CDC42EP1: variants seen among roughly 807,000 people sequenced by gnomAD.
CDC42EP1 encodes 55 kDa bone marrow stromal/endothelial cell protein.
Under a neutral mutation model 7.4 loss-of-function variants are expected in CDC42EP1, and 6 were observed. The ratio of observed to expected loss-of-function variants is 0.81; its 90% CI spans 0.44 to 1.60. The LOEUF is 1.60. CDC42EP1 is among the 40% of genes most tolerant of loss of function. The pLI, the probability that CDC42EP1 is intolerant of heterozygous loss-of-function variation, is 0.01. For synonymous variants in CDC42EP1, 238 were observed against 227.1 expected (o/e 1.05, Z -0.43); for missense variants, 567 against 539.0 (o/e 1.05, Z -0.51).
In CDC42EP1 at chr22:37,568,280, G is replaced by T; in HGVS notation, c.636G>T (p.Gly212=). ...LGPSLLSELL[G]VMSLPEAPAA... ...CCTCACTCCTCAGCGAGCTGCTAGG[G>T]GTCATGAGCCTCCCAGAAGCCCCTG... The change falls in exon 3 of 3, where the codon GGG becomes GGT. Residue 212 remains glycine, a synonymous_variant. Coordinates refer to ENST00000249014, the MANE Select transcript of CDC42EP1 (RefSeq NM_152243.3). 6.2e-7 allele frequency: 1 copy of T among 1,613,554 alleles called. No individual in the cohort carries two copies. Among genetic ancestry groups the T allele is most frequent in the Non-Finnish European group, 8.5e-7 (1 of 1,179,990 alleles).
chr22:37,568,340 A>G lies in CDC42EP1; in HGVS notation c.696A>G (p.Pro232=). ...AETPAPAANP[P]APTANPTGPA... is the part of the protein sequence containing the mutation. The stretch of plus-strand genomic sequence containing the variant: ...CTCCAGCCCCCGCTGCAAACCCCCC[A>G]GCCCCTACTGCAAACCCCACGGGTC... Residue 232 remains proline (P), a synonymous_variant, in exon 3 of 3, where the codon CCA becomes CCG. Coordinates refer to ENST00000249014, the MANE Select transcript of CDC42EP1 (RefSeq NM_152243.3). 2 of 1,271,580 alleles carry G rather than the reference A, an allele frequency of 1.6e-6. No homozygotes were observed. The highest frequency in any genetic ancestry group is 1.2e-5 in the South Asian group (1 of 82,174). 78.8% of individuals were successfully genotyped at this position (1,271,580 alleles called of 1,614,324 possible).
intron 1 of CDC42EP1, 101 bp from the exon 2 acceptor site, chr22:37,565,971 T>C (rs1321137453): frequency 5.6e-6 from 1 of 179,650 alleles, no homozygotes; most frequent in African/African-American, 2.4e-5. Context: ...TCCGTGTAGT[T>C]GGGTGTGATC....
intron 1 of CDC42EP1, among the ~76,000 whole-genome samples, chr22:37,565,374 T>G (rs564564652): frequency 1.0e-3 from 158 of 151,818 alleles, no homozygotes; most frequent in Non-Finnish European, 1.6e-3. Flanking sequence ...AATTTTTTTG[T>G]AAAAACCAGG....
rs756660653 is a variant in CDC42EP1 at position 37,568,473 on chromosome 22, G to A, written c.829G>A (p.Ala277Thr). 7 of 1,605,398 alleles carry A rather than the reference G, an allele frequency of 4.4e-6. No homozygotes were observed. In the South Asian group the frequency reaches 7.8e-5, roughly 18 times the overall value. The change falls in exon 3 of 3, where the codon GCC becomes ACC. Residue 277 changes from alanine (A) to threonine (T), a missense_variant. Physicochemically the swap from Ala to Thr is moderately conservative, Grantham distance 58 (BLOSUM62 0). Coordinates refer to ENST00000249014, the MANE Select transcript of CDC42EP1 (RefSeq NM_152243.3). ...TGPAANPPAP[A>T]ASSTPHGHCP... ...TCCTGCTGCAAATCCCCCAGCCCCT[G>A]CCGCAAGCTCCACACCCCATGGACA...
intron 2 of CDC42EP1, 134 bp from the exon 3 acceptor site, chr22:37,567,974 A>G: frequency 2.8e-6 from 2 of 715,450 alleles, no homozygotes; most frequent in Non-Finnish European, 4.9e-6. Flanking sequence ...TATTGGAAAG[A>G]TGGGAGAAAC....
chr22:37,565,890 A>C (rs1166510082), intron 1 of CDC42EP1, among the ~76,000 whole-genome samples, 182 bp from the exon 2 acceptor site: 1 of 151,776 alleles, frequency 6.6e-6, no homozygotes, highest in African/African-American at 2.4e-5. Context: ...GTGTTCTTGA[A>C]CTTTCTATAC....
Position 37,568,617 on chromosome 22 carries a change from TG to T in CDC42EP1, c.976del (p.Asp326MetfsTer102). The T allele has an allele frequency of 6.3e-7, 1 of 1,592,004 alleles. No homozygotes were observed. Among genetic ancestry groups the T allele is most frequent in the South Asian group, 1.1e-5 (1 of 88,384 alleles). On this transcript the variant is annotated frameshift_variant, in exon 3 of 3. Coordinates refer to ENST00000249014, the MANE Select transcript of CDC42EP1 (RefSeq NM_152243.3). LOFTEE classifies it low-confidence loss of function (END_TRUNC). Reference protein sequence around the residue: ...PALGRHWGAGWDGGHHYPEMD... With the variant: ...PALGRHWGAGXDGGHHYPEMD... ...CCTCGGCAGGCACTGGGGAGCAGGC[TG>T]GGATGGCGGCCACCACTACCCAGAG...
Position 37,568,525 on chromosome 22 carries a change from T to C in CDC42EP1, c.881T>C (p.Leu294Ser). The change falls in exon 3 of 3, where the codon TTG (leucine) becomes TCG (serine). Residue 294 changes from leucine to serine, a missense_variant. Transcript: ENST00000249014. ...TGTCCCAATGGGGTAACAGCTGGGT[T>C]GGGCCCAGTGGCTGAGGTGAAGTCC... is the stretch of plus-strand genomic sequence containing the variant. ...GHCPNGVTAGLGPVAEVKSSP... is the reference protein window; with the variant it reads ...GHCPNGVTAGSGPVAEVKSSP... 1 of 1,609,970 alleles carries C rather than the reference T, an allele frequency of 6.2e-7. No individual in the cohort carries two copies. The highest frequency in any genetic ancestry group is 8.5e-7 in the Non-Finnish European group (1 of 1,178,312).
rs1276799549 is a variant in CDC42EP1 at position 37,566,421 on chromosome 22, G to A, written c.72G>A (p.Val24=). ...GCAAGCTCTCGCCTGTGGGCTGGGT[G>A]TCCAGTTCACAGGGAAAGAGGCGGC... is the stretch of plus-strand genomic sequence containing the variant. ...SLGKLSPVGW[V]SSSQGKRRLT... Residue 24 remains valine, a synonymous_variant, in exon 2 of 3, where the codon GTG becomes GTA. Coordinates refer to ENST00000249014, the MANE Select transcript of CDC42EP1 (RefSeq NM_152243.3). The surrounding 1 kb of genome is among the most constrained non-coding windows in gnomAD (Gnocchi z 6.4). 2 of 1,607,132 alleles carry A rather than the reference G, an allele frequency of 1.2e-6. No homozygotes were observed. Among genetic ancestry groups the A allele is most frequent in the South Asian group, 1.1e-5 (1 of 89,896 alleles).
chr22:37,567,586 T>C (rs1925291045), intron 2 of CDC42EP1, among the ~76,000 whole-genome samples: 1 of 152,156 alleles, frequency 6.6e-6, no homozygotes, highest in Non-Finnish European at 1.5e-5. Context: ...AGAAACCCGA[T>C]TCTGTCTCAG....
intron 2 of CDC42EP1, among the ~76,000 whole-genome samples, chr22:37,567,378 T>C (rs1438265290): frequency 6.6e-6 from 1 of 152,042 alleles, no homozygotes; most frequent in Non-Finnish European, 1.5e-5. Context: ...CTCGACAAAT[T>C]TGGGAAACCA....
Position 37,566,327 on chromosome 22 carries a change from G to T in CDC42EP1, c.-23G>T. 1.7e-6 allele frequency: 2 copies of T among 1,199,458 alleles called. No homozygotes were observed. Among genetic ancestry groups the T allele is most frequent in the East Asian group, 2.9e-5 (1 of 33,936 alleles). The allele number at this position is 1,199,458 out of a possible 1,614,324, so 74.3% of individuals were successfully genotyped here. A position where few individuals can be genotyped will look rare whatever the true frequency, so the allele number is the denominator to read the frequency against. On this transcript the variant is annotated 5_prime_UTR_variant, in exon 2 of 3. An upstream open reading frame in the 5' UTR loses its in-frame stop. Coordinates refer to ENST00000249014, the MANE Select transcript of CDC42EP1 (RefSeq NM_152243.3). The surrounding 1 kb of genome is among the most constrained non-coding windows in gnomAD (Gnocchi z 6.4). ...CCCGGCCCCTGGTAGGCATGGACTA[G>T]CAGCTGTGAGCAGCCAGAGCTGATG...
intron 1 of CDC42EP1, among the ~76,000 whole-genome samples, chr22:37,561,942 C>A (rs1009151773): frequency 1.3e-5 from 2 of 152,234 alleles, no homozygotes; most frequent in African/African-American, 4.8e-5. Context: ...GTTCTTGCGT[C>A]ATTCCCACCA....
intron 1 of CDC42EP1, among the ~76,000 whole-genome samples, chr22:37,561,343 A>T (rs1004595843): frequency 4.6e-5 from 7 of 152,218 alleles, no homozygotes; most frequent in African/African-American, 1.7e-4. Context: ...AGCGGCACTA[A>T]ACGTGGCGCG....
In CDC42EP1 at chr22:37,568,686, C is replaced by T. The variant is rs61747272; in HGVS notation, c.1042C>T (p.Arg348Trp). The T allele has an allele frequency of 4.9e-4, 763 of 1,544,774 alleles. 4 individuals are homozygous for T. Among genetic ancestry groups the T allele is most frequent in the Middle Eastern group, 2.8e-3 (16 of 5,718 alleles). Residue 348 changes from arginine (R) to tryptophan (W), a missense_variant, in exon 3 of 3, where the codon CGG becomes TGG. Physicochemically the swap from Arg to Trp is moderately radical, Grantham distance 101. Transcript: ENST00000249014. The part of the protein sequence containing the change: ...QERVEVLPQA[R>W]ASWESLDEEW... ...GCGGGTGGAGGTGCTGCCCCAAGCC[C>T]GGGCCTCCTGGGAGAGCCTGGACGA... is the stretch of plus-strand genomic sequence containing the variant.
chr22:37,566,621 G>A lies in CDC42EP1; in HGVS notation c.272G>A (p.Arg91Lys), dbSNP rs771080796. Residue 91 changes from arginine to lysine, a missense_variant, in exon 2 of 3, where the codon AGG becomes AAG. Arg to Lys is a conservative substitution (Grantham distance 26). Coordinates refer to ENST00000249014, the MANE Select transcript of CDC42EP1 (RefSeq NM_152243.3). The surrounding 1 kb of genome is among the most constrained non-coding windows in gnomAD (Gnocchi z 6.4). ...FLAKKLQLVR[R>K]VGAPPRRMAS... ...GCCAAGAAGCTGCAGCTGGTGCGGA[G>A]GGTGGGGGCGCCCCCCCGGAGGATG... is the stretch of plus-strand genomic sequence containing the variant. The A allele has an allele frequency of 2.5e-6, 4 of 1,595,966 alleles. No individual in the cohort carries two copies. The South Asian group carries it at 4.5e-5, about 18-fold the overall frequency.
chr22:37,564,582 C>G (rs899570200), intron 1 of CDC42EP1: 3 of 152,388 alleles, frequency 2.0e-5, no homozygotes, highest in Non-Finnish European at 4.4e-5. Flanking sequence ...CGCTGCGTGG[C>G]AGAGATTTTA....
rs761307594 is a variant in CDC42EP1 at position 37,568,558 on chromosome 22, T to C, written c.914T>C (p.Val305Ala). The change falls in exon 3 of 3, where the codon GTG becomes GCG. Residue 305 changes from valine to alanine, a missense_variant. Coordinates refer to ENST00000249014, the MANE Select transcript of CDC42EP1 (RefSeq NM_152243.3). ...GTGGCTGAGGTGAAGTCCAGCCCAG[T>C]GGGAGGGGGTCCCCGAGGACCTGCT... The part of the protein sequence containing the change: ...GPVAEVKSSP[V>A]GGGPRGPAGP... The C allele has an allele frequency of 5.2e-5, 83 of 1,607,266 alleles. 1 individual carries two copies. The Admixed American group carries it at 1.4e-3, about 27-fold the overall frequency.
Position 37,566,299 on chromosome 22 carries a change from TC to T in CDC42EP1, c.-46del, listed in dbSNP as rs1925233279. 34 of 235,406 alleles carry T rather than the reference TC, an allele frequency of 1.4e-4. No individual in the cohort carries two copies. Among genetic ancestry groups the T allele is most frequent in the Non-Finnish European group, 2.1e-4 (27 of 130,720 alleles). The allele number at this position is 235,406 out of a possible 1,614,324, so 14.6% of individuals were successfully genotyped here. ...CCATCCCAAGCCCAGCCCACCTCCC[TC>T]CCCCGGCCCCTGGTAGGCATGGACT... is the stretch of plus-strand genomic sequence containing the variant. On this transcript the variant is annotated 5_prime_UTR_variant, in exon 2 of 3. Coordinates refer to ENST00000249014, the MANE Select transcript of CDC42EP1 (RefSeq NM_152243.3). The surrounding 1 kb of genome is among the most constrained non-coding windows in gnomAD (Gnocchi z 6.4).
Sources: allele counts gnomAD v4.1 joint callset (sites outside exome capture counted in the v4.1 genomes callset), GRCh38; gene constraint gnomAD v4.1.1; non-coding constraint Gnocchi (gnomAD v3.1); transcripts MANE v1.5; gene names NCBI Gene and HGNC (gene_info 2026-07-23, HGNC 2026-07-21).